PTPRT: variants seen among roughly 807,000 people sequenced by gnomAD.
PTPRT encodes the protein receptor-type tyrosine-protein phosphatase T.
PTPRT carries 56 observed loss-of-function variants against 176.8 expected under a neutral mutation model. That is an observed-to-expected ratio of 0.32 (90% CI 0.26 to 0.40). The LOEUF (loss-of-function observed/expected upper bound fraction) is 0.40. PTPRT is among the 10% of genes least tolerant of loss of function. The pLI is 1.00. For missense variants in PTPRT, 1,540 were observed against 1,908.2 expected (o/e 0.81, Z 3.60); for synonymous variants, 783 against 739.0 (o/e 1.06, Z -0.96).
At chr20:42,803,035 A>G (rs950994759) in intron 2 of PTPRT, among the ~76,000 whole-genome samples, 4 of 152,240 alleles carry the variant, frequency 2.6e-5, no homozygotes, top group Non-Finnish European at 5.9e-5. Context: ...GGCATTTCTG[A>G]GCCCTCATGC....
At chr20:43,018,284 G>A (rs1380701467) in intron 1 of PTPRT, among the ~76,000 whole-genome samples, 3 of 151,952 alleles carry the variant, frequency 2.0e-5, no homozygotes, top group Non-Finnish European at 4.4e-5. Context: ...TCATTTTTTG[G>A]AAAACAACGT....
At chr20:42,224,890 C>A (rs549076265) in intron 15 of PTPRT, among the ~76,000 whole-genome samples, 1 of 152,110 alleles carries the variant, frequency 6.6e-6, no homozygotes, top group Non-Finnish European at 1.5e-5. Flanking sequence ...TGTTGCCAGC[C>A]ACATCTCAAT....
chr20:42,674,387 G>A (rs59644828), intron 7 of PTPRT, among the ~76,000 whole-genome samples: 8,269 of 152,226 alleles, frequency 0.054, 704 homozygotes, highest in African/African-American at 0.18. Flanking sequence ...ACACAGTCAT[G>A]GCAACAGTTT....
chr20:42,167,706 T>G (rs1490972345), intron 16 of PTPRT, among the ~76,000 whole-genome samples: 1 of 152,198 alleles, frequency 6.6e-6, no homozygotes, highest in African/African-American at 2.4e-5. Context: ...GGGATGCAAC[T>G]GGAACCAACA....
intron 7 of PTPRT, among the ~76,000 whole-genome samples, chr20:42,500,168 A>G (rs995245299): frequency 8.6e-5 from 13 of 151,812 alleles, no homozygotes; most frequent in African/African-American, 3.1e-4. Flanking sequence ...TTTTGTTGCT[A>G]CTGTAAATGG....
At chr20:42,894,804 G>A (rs570824611) in intron 1 of PTPRT, among the ~76,000 whole-genome samples, 36 of 152,310 alleles carry the variant, frequency 2.4e-4, no homozygotes, top group Non-Finnish European at 1.0e-4. Flanking sequence ...TGGAGGACCA[G>A]GCATAGGGGG....
chr20:42,836,181 C>T (rs926139114), intron 2 of PTPRT, among the ~76,000 whole-genome samples: 1 of 152,242 alleles, frequency 6.6e-6, no homozygotes, highest in Middle Eastern at 3.4e-3. Flanking sequence ...CCTCCTGCTG[C>T]CCAGGCCTAG....
At chr20:43,117,878 C>T (rs1216468058) in intron 1 of PTPRT, among the ~76,000 whole-genome samples, 1 of 152,162 alleles carries the variant, frequency 6.6e-6, no homozygotes, top group Non-Finnish European at 1.5e-5. Flanking sequence ...GTGTGTCAAT[C>T]AAAGTGTAAG....
intron 7 of PTPRT, among the ~76,000 whole-genome samples, chr20:42,547,680 C>T (rs1358453780): frequency 1.3e-5 from 2 of 151,852 alleles, no homozygotes; most frequent in African/African-American, 4.8e-5. Flanking sequence ...TAGAAATATT[C>T]CCTTTAATAT....
chr20:42,946,549 G>A (rs1052614708), intron 1 of PTPRT, among the ~76,000 whole-genome samples: 5 of 152,178 alleles, frequency 3.3e-5, no homozygotes, highest in African/African-American at 1.2e-4. Flanking sequence ...ACATGACAGA[G>A]GGTCAGAATG....
Position 42,548,640 on chromosome 20 carries a change from T to C in PTPRT, c.1154-76078A>G, listed in dbSNP as rs138328744. On this transcript the variant is annotated intron_variant, in intron 7 of 30. Transcript: ENST00000373187. ...CAAAGCACTGAGGAATTTTATTATC[T>C]AAAAATTATGGATGTATATTCAGTA... Among the ~76,000 whole-genome samples the C allele has an allele frequency of 4.6e-3, 700 of 152,230 alleles. 4 individuals are homozygous for C. The highest frequency in any genetic ancestry group is 0.016 in the African/African-American group (668 of 41,554).
chr20:43,173,859 T>C (rs1178228140), intron 1 of PTPRT, among the ~76,000 whole-genome samples: 1 of 152,230 alleles, frequency 6.6e-6, no homozygotes, highest in Non-Finnish European at 1.5e-5. Context: ...CTGTACTTCT[T>C]ATTCCCATAA....
intron 5 of PTPRT, among the ~76,000 whole-genome samples, chr20:42,764,523 A>T (rs2076956849): frequency 6.6e-6 from 1 of 152,186 alleles, no homozygotes; most frequent in Non-Finnish European, 1.5e-5. Context: ...TCCTGTATAG[A>T]AGGAAAGGCT....
chr20:42,150,521 A>G (rs1164202974), intron 17 of PTPRT, among the ~76,000 whole-genome samples: 1 of 152,016 alleles, frequency 6.6e-6, no homozygotes, highest in Non-Finnish European at 1.5e-5. Flanking sequence ...TGCAGGGAAC[A>G]CTCTGGAGAG....
intron 1 of PTPRT, among the ~76,000 whole-genome samples, chr20:43,115,600 G>A (rs1366714834): frequency 1.3e-5 from 2 of 152,172 alleles, no homozygotes; most frequent in African/African-American, 4.8e-5. Flanking sequence ...AGCATCTAGT[G>A]TATAGAGACC....
intron 1 of PTPRT, among the ~76,000 whole-genome samples, chr20:43,031,663 A>G (rs868771504): frequency 2.0e-5 from 3 of 152,162 alleles, no homozygotes; most frequent in Non-Finnish European, 2.9e-5. Flanking sequence ...TAACTTTAGC[A>G]GTGTCTGACT....
chr20:42,452,562 T>C (rs1187444074), intron 8 of PTPRT, among the ~76,000 whole-genome samples: 3 of 151,574 alleles, frequency 2.0e-5, no homozygotes, highest in African/African-American at 7.3e-5. Flanking sequence ...AATCACAGAG[T>C]AGAAGGCAAG....
chr20:43,014,025 G>A (rs6072948), intron 1 of PTPRT, among the ~76,000 whole-genome samples: 28,968 of 152,152 alleles, frequency 0.19, 2,846 homozygotes, highest in Middle Eastern at 0.21. Flanking sequence ...ACACATACTA[G>A]GTATTGCTGA....
At chr20:42,353,827 T>C (rs757815383) in intron 9 of PTPRT, among the ~76,000 whole-genome samples, 3 of 152,176 alleles carry the variant, frequency 2.0e-5, no homozygotes, top group Non-Finnish European at 2.9e-5. Flanking sequence ...GGTGAGAGGA[T>C]TGCTAGAACC....
Sources: gnomAD v4.1 joint callset for allele counts (sites outside exome capture counted in the v4.1 genomes callset) on GRCh38, gnomAD v4.1.1 for gene constraint, MANE v1.5 for transcripts, NCBI Gene and HGNC (gene_info 2026-07-23, HGNC 2026-07-21) for gene names.